The following TBPL1 variants were observed in gnomAD, a reference collection of about 807,000 sequenced individuals.
The protein encoded by TBPL1 is TATA box-binding protein-like 1.
Under a neutral mutation model 22.1 loss-of-function variants are expected in TBPL1, and 4 were observed. The ratio of observed to expected loss-of-function variants is 0.18; its 90% confidence interval spans 0.09 to 0.41. TBPL1 has a LOEUF of 0.41. Among genes scored for constraint, TBPL1 ranks in the 10% least tolerant of loss-of-function variants. The pLI is 1.00. For missense variants in TBPL1, 115 were observed against 222.3 expected (o/e 0.52, Z 3.07); for synonymous variants, 64 against 71.0 (o/e 0.90, Z 0.50).
chr6:133,977,411 A>C (rs549588779), intron 1 of TBPL1, among the ~76,000 whole-genome samples: 2 of 151,916 alleles, frequency 1.3e-5, no homozygotes, highest in Non-Finnish European at 2.9e-5. Flanking sequence ...ATTCACACAG[A>C]TTTTCTTTAC....
At position 133,989,210 on chromosome 6, in the gene TBPL1, CTG is replaced by C. The variant is rs1461287288; in HGVS notation, c.*2173_*2174del. 1.3e-5 allele frequency: 2 copies of C among 152,020 alleles called. No individual in the cohort carries two copies. The highest frequency in any genetic ancestry group is 6.6e-5 in the Admixed American group (1 of 15,258). 9.4% of individuals were successfully genotyped at this position (152,020 alleles called of 1,614,324 possible). On this transcript the variant is annotated 3_prime_UTR_variant, in exon 7 of 7. Coordinates refer to ENST00000237264, the MANE Select transcript of TBPL1 (RefSeq NM_004865.4). ...TGTAAATTTTTTTTATAAATAAAAA[CTG>C]TGAATATATATGTACAAGTTGTAAG...
chr6:133,981,271 G>A (rs779357745), intron 2 of TBPL1, among the ~76,000 whole-genome samples: 4 of 152,078 alleles, frequency 2.6e-5, no homozygotes, highest in East Asian at 1.9e-4. Flanking sequence ...GTGCCTGGCC[G>A]TCATTAATTC....
At chr6:133,985,346 A>C in intron 6 of TBPL1, among the ~76,000 whole-genome samples, 1 of 130,214 alleles carries the variant, frequency 7.7e-6, no homozygotes, top group Non-Finnish European at 1.6e-5. Context: ...ATACACACAT[A>C]TATTTTCTGG....
intron 6 of TBPL1, among the ~76,000 whole-genome samples, chr6:133,985,104 C>G (rs1174870398): frequency 6.6e-6 from 1 of 150,730 alleles, no homozygotes; most frequent in Non-Finnish European, 1.5e-5. Context: ...ATGGTGAAAC[C>G]CCGTCTCTAC....
chr6:133,984,343 A>G (rs1213024392), intron 4 of TBPL1, 33 bp from the exon 5 acceptor site: 13 of 1,520,758 alleles, frequency 8.5e-6, no homozygotes, highest in Non-Finnish European at 1.1e-5. Context: ...TTGTTTCAAA[A>G]TAAATTTATT....
intron 1 of TBPL1, among the ~76,000 whole-genome samples, chr6:133,965,383 A>G (rs1281847954): frequency 6.6e-6 from 1 of 152,198 alleles, no homozygotes; most frequent in Non-Finnish European, 1.5e-5. Context: ...ACAATTTAAT[A>G]TCCAAACCCA....
chr6:133,957,361 T>C (rs974956796), intron 1 of TBPL1, among the ~76,000 whole-genome samples: 2 of 152,204 alleles, frequency 1.3e-5, no homozygotes, highest in South Asian at 4.1e-4. Flanking sequence ...TCTTAGGACA[T>C]ATGTGGATGA....
intron 6 of TBPL1, chr6:133,985,796 G>A (rs533224376): frequency 6.6e-6 from 1 of 152,022 alleles, no homozygotes; most frequent in South Asian, 2.1e-4. Context: ...CATCTTCCTT[G>A]GGGACTTTCA....
chr6:133,980,469 A>G (rs1776389374), intron 2 of TBPL1, among the ~76,000 whole-genome samples: 1 of 152,198 alleles, frequency 6.6e-6, no homozygotes, highest in Admixed American at 6.5e-5. Context: ...CTGAATCAGC[A>G]AAGAACTCAT....
At chr6:133,969,251 C>CTT (rs536421364) in intron 1 of TBPL1, among the ~76,000 whole-genome samples, 34 of 122,580 alleles carry the variant, frequency 2.8e-4, no homozygotes, top group East Asian at 1.5e-3. Flanking sequence ...ATAAAATACA[C>CTT]TTTTTTTTTT....
In TBPL1 at chr6:133,988,356, T is replaced by C. The variant is rs185187748; in HGVS notation, c.*1316T>C. On this transcript the variant is annotated 3_prime_UTR_variant, in exon 7 of 7. Transcript: ENST00000237264. ...GTCATTTAGGTTTAGGAGTTTAGTG[T>C]AACCAACAGTGATTATACCTAGAAA... 3 of 152,338 alleles carry C rather than the reference T, an allele frequency of 2.0e-5. No homozygotes were observed. In the East Asian group the frequency reaches 5.8e-4, roughly 29 times the overall value. 9.4% of individuals were successfully genotyped at this position (152,338 alleles called of 1,614,324 possible).
chr6:133,975,795 A>G (rs1776302944), intron 1 of TBPL1, among the ~76,000 whole-genome samples: 1 of 152,178 alleles, frequency 6.6e-6, no homozygotes, highest in Non-Finnish European at 1.5e-5. Context: ...GGGAAAGGTG[A>G]GGAGGATGTG....
At chr6:133,978,090 C>T (rs1776345151) in intron 1 of TBPL1, among the ~76,000 whole-genome samples, 1 of 152,156 alleles carries the variant, frequency 6.6e-6, no homozygotes, top group Non-Finnish European at 1.5e-5. Flanking sequence ...CCCAGCTAAA[C>T]ATCTGAGCTC....
chr6:133,985,700 G>C (rs1057474650), intron 6 of TBPL1, among the ~76,000 whole-genome samples: 4 of 152,044 alleles, frequency 2.6e-5, no homozygotes, highest in African/African-American at 4.8e-5. Flanking sequence ...CTTGAGCTTT[G>C]TTTTTTCTTT....
chr6:133,970,192 G>A (rs1776193958), intron 1 of TBPL1, among the ~76,000 whole-genome samples: 2 of 152,146 alleles, frequency 1.3e-5, no homozygotes, highest in African/African-American at 4.8e-5. Flanking sequence ...ATTCAGTTGA[G>A]AACAACTACT....
At chr6:133,985,549 T>C (rs1476464103) in intron 6 of TBPL1, among the ~76,000 whole-genome samples, 2 of 151,736 alleles carry the variant, frequency 1.3e-5, no homozygotes, top group Admixed American at 6.6e-5. Flanking sequence ...TTCAGAAAAC[T>C]AGGCATTCAT....
chr6:133,987,168 T>C lies in TBPL1; in HGVS notation c.*128T>C, dbSNP rs1776542614. On this transcript the variant is annotated 3_prime_UTR_variant, in exon 7 of 7. Coordinates refer to ENST00000237264, the MANE Select transcript of TBPL1 (RefSeq NM_004865.4). ...CTCTTTTATTCATTCACGGCTACAG[T>C]GTAAGCTCCAGTCCCTTTGGATTTT... 7 of 554,594 alleles carry C rather than the reference T, an allele frequency of 1.3e-5. No individual in the cohort carries two copies. The South Asian group carries it at 2.0e-4, about 16-fold the overall frequency. 34.4% of individuals were successfully genotyped at this position (554,594 alleles called of 1,614,324 possible).
chr6:133,984,440 G>T lies in TBPL1; in HGVS notation c.347G>T (p.Arg116Leu), dbSNP rs1181194699. The T allele has an allele frequency of 4.3e-6, 7 of 1,613,460 alleles. No homozygotes were observed. Among genetic ancestry groups the T allele is most frequent in the Non-Finnish European group, 5.9e-6 (7 of 1,179,828 alleles). The change falls in exon 5 of 7, where the codon CGT becomes CTT. Residue 116 changes from arginine (R) to leucine (L), a missense_variant. Arg to Leu is a moderately radical substitution (Grantham distance 102, BLOSUM62 -2). Transcript: ENST00000237264. Reference protein sequence around the residue: ...LAVCNMPFEIRLPEFTKNNRP... With the variant: ...LAVCNMPFEILLPEFTKNNRP... ...GTGTGTAACATGCCATTTGAAATCC[G>T]TTTGCCAGAATTCACAAAGAACAAT...
chr6:133,961,498 G>A (rs1001056798), intron 1 of TBPL1, among the ~76,000 whole-genome samples: 61 of 126,870 alleles, frequency 4.8e-4, no homozygotes, highest in African/African-American at 1.8e-3. Flanking sequence ...AGACGGAGTC[G>A]TGCTCTGTCA....
Sources: allele counts gnomAD v4.1 joint callset (sites outside exome capture counted in the v4.1 genomes callset), GRCh38; gene constraint gnomAD v4.1.1; transcripts MANE v1.5; gene names NCBI Gene and HGNC (gene_info 2026-07-23, HGNC 2026-07-21).